Variants in RALGPS1 observed in about 807,000 individuals in gnomAD.
RALGPS1 encodes ras-specific guanine nucleotide-releasing factor RalGPS1.
RALGPS1 carries 19 observed loss-of-function variants against 78.8 expected under a neutral mutation model. That is an observed-to-expected ratio of 0.24 (90% CI 0.17 to 0.35). RALGPS1 has a LOEUF of 0.35. Ranked by LOEUF, RALGPS1 falls within the 10% of genes least tolerant of loss-of-function variation. RALGPS1 has a pLI of 1.00. For synonymous variants in RALGPS1, 228 were observed against 256.3 expected (o/e 0.89, Z 1.06); for missense variants, 454 against 688.3 (o/e 0.66, Z 3.81).
chr9:127,053,037 T>A, intron 7 of RALGPS1, 98 bp downstream of exon 7: 1 of 881,840 alleles, frequency 1.1e-6, no homozygotes. Context: ...CTGTCTATAC[T>A]TTGCCAACAA....
chr9:127,081,966 A>T (rs573687304), intron 8 of RALGPS1, among the ~76,000 whole-genome samples: 69 of 152,324 alleles, frequency 4.5e-4, no homozygotes, highest in Non-Finnish European at 7.8e-4. Context: ...CATTCAGGAG[A>T]GACACGGATA....
At chr9:127,209,270 C>T (rs1004445203) in intron 14 of RALGPS1, among the ~76,000 whole-genome samples, 1 of 152,240 alleles carries the variant, frequency 6.6e-6, no homozygotes, top group Non-Finnish European at 1.5e-5. Flanking sequence ...CATGGGCTAG[C>T]GACCTGGCCG....
At chr9:126,949,664 G>GT (rs371254556) in intron 1 of RALGPS1, among the ~76,000 whole-genome samples, 1 of 151,896 alleles carries the variant, frequency 6.6e-6, no homozygotes, top group African/African-American at 2.4e-5. Flanking sequence ...GGGGTTGTTT[G>GT]TTTTTTTCGT....
chr9:127,196,449 T>C (rs929965031), intron 12 of RALGPS1, 25 bp from the exon 13 acceptor site: 1 of 1,598,496 alleles, frequency 6.3e-7, no homozygotes, highest in African/African-American at 1.3e-5. Context: ...GAGCTTTGCC[T>C]TCTTTCTTCC....
At chr9:126,959,045 A>T (rs1224366798) in intron 1 of RALGPS1, among the ~76,000 whole-genome samples, 4 of 146,900 alleles carry the variant, frequency 2.7e-5, no homozygotes, top group Non-Finnish European at 6.0e-5. Flanking sequence ...CTTGTTAGCC[A>T]TTCATGTATC....
intron 8 of RALGPS1, among the ~76,000 whole-genome samples, chr9:127,141,083 A>C (rs2057743228): frequency 6.6e-6 from 1 of 152,154 alleles, no homozygotes; most frequent in Admixed American, 6.5e-5. Context: ...CAGGGAGTGG[A>C]GGGATGGCCT....
intron 7 of RALGPS1, among the ~76,000 whole-genome samples, chr9:127,062,087 A>C (rs534913854): frequency 6.6e-6 from 1 of 152,220 alleles, no homozygotes; most frequent in African/African-American, 2.4e-5. Flanking sequence ...TAACTGTTTA[A>C]GGATTTTTTT....
At chr9:126,952,646 A>AGTGTGTGT (rs2037933745) in intron 1 of RALGPS1, among the ~76,000 whole-genome samples, 1 of 77,764 alleles carries the variant, frequency 1.3e-5, no homozygotes, top group Non-Finnish European at 3.7e-5. Flanking sequence ...AGAGAGAGAG[A>AGTGTGTGT]GAGAGAGAGA....
At chr9:127,002,319 A>G (rs1333598728) in intron 4 of RALGPS1, among the ~76,000 whole-genome samples, 4 of 151,684 alleles carry the variant, frequency 2.6e-5, no homozygotes, top group African/African-American at 9.7e-5. Flanking sequence ...TCATTTTTGT[A>G]TAGTATTCCA....
chr9:126,925,081 C>T (rs761675624), intron 1 of RALGPS1, among the ~76,000 whole-genome samples: 7 of 150,424 alleles, frequency 4.7e-5, no homozygotes, highest in Admixed American at 3.3e-4. Context: ...GAGCCGAGAT[C>T]GCACCATTGC....
chr9:127,219,071 C>A lies in RALGPS1; in HGVS notation c.*302C>A. The A allele has an allele frequency of 2.1e-6, 1 of 470,370 alleles. No homozygotes were observed. Among genetic ancestry groups the A allele is most frequent in the Non-Finnish European group, 3.9e-6 (1 of 254,972 alleles). 29.1% of individuals were successfully genotyped at this position (470,370 alleles called of 1,614,324 possible). A position where few individuals can be genotyped will look rare whatever the true frequency, so the allele number is the denominator to read the frequency against. On this transcript the variant is annotated 3_prime_UTR_variant, in exon 19 of 19. Transcript: ENST00000259351. The surrounding 1 kb of genome is among the most constrained non-coding windows in gnomAD (Gnocchi z 5.0). ...ATCTGCGACTAGAGAGCACCCGGCC[C>A]ACGTTGGGTTCTCAGTGCTTTCTAC...
intron 11 of RALGPS1, among the ~76,000 whole-genome samples, chr9:127,189,685 G>A (rs1448429776): frequency 1.3e-5 from 2 of 152,222 alleles, no homozygotes; most frequent in African/African-American, 4.8e-5. Flanking sequence ...TGGGCAGAGT[G>A]TGGGGACCCC....
At chr9:126,952,693 G>GTGTGTGTGTC in intron 1 of RALGPS1, among the ~76,000 whole-genome samples, 1 of 152,022 alleles carries the variant, frequency 6.6e-6, no homozygotes, top group African/African-American at 2.4e-5. Context: ...GTGTGTCTGT[G>GTGTGTGTGTC]TGTCTGTGCG....
intron 7 of RALGPS1, among the ~76,000 whole-genome samples, chr9:127,056,500 C>T (rs1293621927): frequency 2.0e-5 from 3 of 152,214 alleles, no homozygotes; most frequent in Non-Finnish European, 4.4e-5. Flanking sequence ...CTCACTCACT[C>T]ACATGTCTTG....
chr9:127,034,170 T>A (rs546075520), intron 4 of RALGPS1, among the ~76,000 whole-genome samples: 1 of 152,232 alleles, frequency 6.6e-6, no homozygotes, highest in African/African-American at 2.4e-5. Context: ...AGAGTGGCAG[T>A]GGATTTCTTT....
chr9:127,134,580 ATCT>A (rs2057265339), intron 8 of RALGPS1, among the ~76,000 whole-genome samples: 2 of 152,150 alleles, frequency 1.3e-5, no homozygotes, highest in Non-Finnish European at 2.9e-5. Context: ...GATGATTCTA[ATCT>A]CCACTATACA....
At chr9:127,161,225 C>T (rs971650709) in intron 8 of RALGPS1, among the ~76,000 whole-genome samples, 12 of 152,258 alleles carry the variant, frequency 7.9e-5, no homozygotes, top group Admixed American at 6.5e-5. Context: ...GCGCCATCCA[C>T]GGTTGTGGCA....
rs1343888594 is a variant in RALGPS1, at chr9:127,221,976, A to C, written c.*3207A>C. The C allele has an allele frequency of 6.6e-6, 1 of 152,244 alleles. No homozygotes were observed. The highest frequency in any genetic ancestry group is 1.5e-5 in the Non-Finnish European group (1 of 68,052). 9.4% of individuals were successfully genotyped at this position (152,244 alleles called of 1,614,324 possible). A position where few individuals can be genotyped will look rare whatever the true frequency, so the allele number is the denominator to read the frequency against. On this transcript the variant is annotated 3_prime_UTR_variant, in exon 19 of 19. Coordinates refer to ENST00000259351, the MANE Select transcript of RALGPS1 (RefSeq NM_014636.3). ...ACAGCTTTCTGGTTTGTGAGCCCAT[A>C]AATGACTTAAATCAGCTTTACATCA...
chr9:126,967,471 T>C (rs941544722), intron 3 of RALGPS1, among the ~76,000 whole-genome samples: 26 of 152,190 alleles, frequency 1.7e-4, no homozygotes, highest in Non-Finnish European at 2.4e-4. Context: ...CTTTCCATCA[T>C]TATCTTTCTC....
Sources: allele counts gnomAD v4.1 joint callset (sites outside exome capture counted in the v4.1 genomes callset), GRCh38; gene constraint gnomAD v4.1.1; non-coding constraint Gnocchi (gnomAD v3.1); transcripts MANE v1.5; gene names NCBI Gene and HGNC (gene_info 2026-07-23, HGNC 2026-07-21).